DYRK1A: variants seen among roughly 807,000 people sequenced by gnomAD.
The protein encoded by DYRK1A is dual specificity tyrosine phosphorylation regulated kinase 1A.
A neutral mutation model predicts 79.7 loss-of-function variants in DYRK1A; 9 were observed. That is an observed-to-expected ratio of 0.11 (90% CI 0.07 to 0.20). DYRK1A has a LOEUF of 0.20. Among genes scored for constraint, DYRK1A ranks in the 10% least tolerant of loss-of-function variants. The probability of loss-of-function intolerance (pLI) is 1.00; values close to 1 mark genes in which losing one functional copy is unlikely to be tolerated. For synonymous variants in DYRK1A, 349 were observed against 329.7 expected (o/e 1.06, Z -0.63); for missense variants, 622 against 956.0 (o/e 0.65, Z 4.61).
chr21:37,489,413 T>A (rs1345039734), intron 6 of DYRK1A, among the ~76,000 whole-genome samples: 1 of 152,154 alleles, frequency 6.6e-6, no homozygotes, highest in Non-Finnish European at 1.5e-5. Context: ...TCAGCCTTTT[T>A]AGAGGGTCAA....
Position 37,512,170 on chromosome 21 carries a change from A to T in DYRK1A, c.1904A>T (p.Asp635Val). 2 of 1,614,174 alleles carry T rather than the reference A, an allele frequency of 1.2e-6. No homozygotes were observed. The highest frequency in any genetic ancestry group is 2.2e-5 in the South Asian group (2 of 91,086). The change falls in exon 12 of 12, where the codon GAT (aspartate) becomes GTT (valine). Residue 635 changes from aspartate (D) to valine (V), a missense_variant. Around this residue, in one of 5 missense-constraint regions of DYRK1A, gnomAD observed 292 missense variants for 316.7 expected, o/e 0.92. Coordinates refer to ENST00000647188, the MANE Select transcript of DYRK1A (RefSeq NM_001347721.2). ...CCAACGAATAGCTCCTCTACCCAAGATTCTATGGAGGTTGGCCACAGTCAC... is the reference window on the plus strand; with the variant it reads ...CCAACGAATAGCTCCTCTACCCAAGTTTCTATGGAGGTTGGCCACAGTCAC... Reference protein sequence around the residue: ...NSPTNSSSTQDSMEVGHSHHS... With the variant: ...NSPTNSSSTQVSMEVGHSHHS...
intron 1 of DYRK1A, chr21:37,419,104 A>G (rs1373764008): frequency 6.6e-6 from 1 of 152,222 alleles, no homozygotes; most frequent in Non-Finnish European, 1.5e-5. Flanking sequence ...ACCACTTGGA[A>G]TTCTACCAAT....
intron 2 of DYRK1A, among the ~76,000 whole-genome samples, chr21:37,421,377 A>G (rs967949144): frequency 6.6e-6 from 1 of 152,128 alleles, no homozygotes; most frequent in Non-Finnish European, 1.5e-5. Flanking sequence ...AGATTTTAAA[A>G]AATTGTTTCG....
At chr21:37,469,421 T>G (rs552603101) in intron 2 of DYRK1A, among the ~76,000 whole-genome samples, 7 of 152,238 alleles carry the variant, frequency 4.6e-5, no homozygotes, top group Admixed American at 2.0e-4. Flanking sequence ...AACTGCAGTT[T>G]ATAGGCATAA....
intron 1 of DYRK1A, chr21:37,410,775 C>G (rs2050227823): frequency 6.6e-6 from 1 of 152,262 alleles, no homozygotes; most frequent in Non-Finnish European, 1.5e-5. Flanking sequence ...TGGCTGGGCA[C>G]TGTGGCTCAC....
chr21:37,496,614 G>A (rs1240256894), intron 9 of DYRK1A, among the ~76,000 whole-genome samples: 1 of 152,096 alleles, frequency 6.6e-6, no homozygotes, highest in African/African-American at 2.4e-5. Flanking sequence ...TAATACTGCA[G>A]CTGTGAACAG....
At chr21:37,390,421 A>G (rs1036569101) in intron 1 of DYRK1A, among the ~76,000 whole-genome samples, 1 of 152,192 alleles carries the variant, frequency 6.6e-6, no homozygotes, top group Non-Finnish European at 1.5e-5. Flanking sequence ...CATAACAGCA[A>G]TACAGCCATC....
intron 8 of DYRK1A, among the ~76,000 whole-genome samples, chr21:37,494,186 C>A (rs2053187634): frequency 6.6e-6 from 1 of 151,860 alleles, no homozygotes; most frequent in Non-Finnish European, 1.5e-5. Flanking sequence ...GCCACTGTGC[C>A]CAGCCCCTTT....
intron 1 of DYRK1A, among the ~76,000 whole-genome samples, chr21:37,404,554 TAAGCTTTACC>T (rs1303593142): frequency 2.6e-5 from 4 of 152,170 alleles, no homozygotes; most frequent in East Asian, 1.9e-4. Context: ...GCCTGAACTC[TAAGCTTTACC>T]AAGCTTTACC....
intron 2 of DYRK1A, among the ~76,000 whole-genome samples, chr21:37,432,148 T>C (rs1240278542): frequency 4.6e-5 from 7 of 152,162 alleles, no homozygotes; most frequent in African/African-American, 1.4e-4. Context: ...GACAGTATAC[T>C]GTCATATACT....
At chr21:37,374,512 A>G (rs1367463543) in intron 1 of DYRK1A, among the ~76,000 whole-genome samples, 1 of 152,098 alleles carries the variant, frequency 6.6e-6, no homozygotes, top group African/African-American at 2.4e-5. Context: ...TTCCAAGCTC[A>G]GATGCCTCTC....
At chr21:37,424,878 A>G (rs2050574405) in intron 2 of DYRK1A, among the ~76,000 whole-genome samples, 1 of 152,210 alleles carries the variant, frequency 6.6e-6, no homozygotes, top group Non-Finnish European at 1.5e-5. Flanking sequence ...ACCACTCTGT[A>G]CATTACAAGA....
chr21:37,504,946 A>AT (rs1038725124), intron 9 of DYRK1A: 1 of 218,270 alleles, frequency 4.6e-6, no homozygotes, highest in South Asian at 8.9e-5. Context: ...TCTGTTGCAT[A>AT]TTTTTTGTTT....
chr21:37,444,894 A>G (rs2051218631), intron 2 of DYRK1A, among the ~76,000 whole-genome samples: 2 of 152,328 alleles, frequency 1.3e-5, no homozygotes, highest in East Asian at 1.9e-4. Context: ...AGTCAAGAGC[A>G]GAGATTTTTC....
chr21:37,503,036 C>T (rs1404634073), intron 9 of DYRK1A: 1 of 152,134 alleles, frequency 6.6e-6, no homozygotes, highest in African/African-American at 2.4e-5. Context: ...CCCCTCTTCC[C>T]TCTGGCTGAT....
intron 1 of DYRK1A, among the ~76,000 whole-genome samples, chr21:37,405,445 C>T (rs2050130131): frequency 6.6e-6 from 1 of 152,176 alleles, no homozygotes; most frequent in Admixed American, 6.5e-5. Context: ...TATTTGCAGG[C>T]ATCTATGCAT....
At chr21:37,498,820 A>G (rs766598848) in intron 9 of DYRK1A, among the ~76,000 whole-genome samples, 1 of 152,126 alleles carries the variant, frequency 6.6e-6, no homozygotes, top group Non-Finnish European at 1.5e-5. Context: ...CATCCTCACC[A>G]TTTTGTATGG....
At chr21:37,417,305 C>T (rs1262926231) in intron 1 of DYRK1A, among the ~76,000 whole-genome samples, 8 of 151,974 alleles carry the variant, frequency 5.3e-5, no homozygotes, top group Non-Finnish European at 1.0e-4. Flanking sequence ...ATTCTTCTGC[C>T]TCAGCCTCCT....
chr21:37,480,741 A>G lies in DYRK1A; in HGVS notation c.404A>G (p.Asn135Ser), dbSNP rs1601230964. 3 of 1,613,248 alleles carry G rather than the reference A, an allele frequency of 1.9e-6. No homozygotes were observed. Among genetic ancestry groups the G allele is most frequent in the Non-Finnish European group, 2.5e-6 (3 of 1,179,642 alleles). ...TACAATGATGGTTATGATGATGATA[A>G]CTATGATTATATTGTAAAAAACGGA... ...KVYNDGYDDDNYDYIVKNGEK... is the reference protein window; with the variant it reads ...KVYNDGYDDDSYDYIVKNGEK... The change falls in exon 5 of 12, where the codon AAC becomes AGC. Residue 135 changes from asparagine to serine, a missense_variant. Asn to Ser is a conservative substitution (Grantham distance 46). Transcript: ENST00000647188.
Sources: allele counts gnomAD v4.1 joint callset (sites outside exome capture counted in the v4.1 genomes callset), GRCh38; gene constraint gnomAD v4.1.1; regional missense constraint gnomAD v4.1.1; transcripts MANE v1.5; gene names NCBI Gene and HGNC (gene_info 2026-07-23, HGNC 2026-07-21).